The following PTN variants were observed in gnomAD, a reference collection of about 807,000 sequenced individuals.
The protein encoded by PTN is heparin affin regulatory protein.
Under a neutral mutation model 24.1 loss-of-function variants are expected in PTN, and 18 were observed. The ratio of observed to expected loss-of-function variants is 0.75; its 90% confidence interval spans 0.52 to 1.11. PTN has a LOEUF of 1.11. Ranked by LOEUF, PTN falls within the 50% of genes least tolerant of loss-of-function variation. The pLI, the probability that PTN is intolerant of heterozygous loss-of-function variation, is 0.00. For synonymous variants in PTN, 78 were observed against 68.6 expected (o/e 1.14, Z -0.67); for missense variants, 163 against 198.8 (o/e 0.82, Z 1.08).
Position 137,227,950 on chromosome 7 carries a change from T to C in PTN, c.*70A>G, listed in dbSNP as rs773367689. On this transcript the variant is annotated 3_prime_UTR_variant, in exon 5 of 5. Coordinates refer to ENST00000348225, the MANE Select transcript of PTN (RefSeq NM_002825.7). ...TAATTTTTGAATACAAAGCCTACGG[T>C]ACATATAAATGCAATAGTTAACTGA... The C allele has an allele frequency of 4.1e-5, 65 of 1,576,778 alleles. No individual in the cohort carries two copies. Among genetic ancestry groups the C allele is most frequent in the Non-Finnish European group, 5.4e-5 (63 of 1,165,286 alleles).
intron 1 of PTN, among the ~76,000 whole-genome samples, chr7:137,268,507 C>T (rs531663213): frequency 6.6e-5 from 10 of 152,078 alleles, no homozygotes; most frequent in Non-Finnish European, 1.0e-4. Flanking sequence ...AGGGGGTCCA[C>T]GTGAGAGGGT....
At chr7:137,271,366 A>G (rs1234665426) in intron 1 of PTN, among the ~76,000 whole-genome samples, 5 of 152,214 alleles carry the variant, frequency 3.3e-5, no homozygotes, top group Admixed American at 6.5e-5. Context: ...GACTAAAAGC[A>G]TGGAGTCTTA....
chr7:137,276,628 T>C (rs116817304), intron 1 of PTN, among the ~76,000 whole-genome samples: 1,589 of 152,328 alleles, frequency 0.01, 20 homozygotes, highest in African/African-American at 0.037. Flanking sequence ...CCTTGCTGCC[T>C]GTCTGTGAGT....
chr7:137,315,078 A>G (rs1267389104), intron 1 of PTN, among the ~76,000 whole-genome samples: 1 of 152,224 alleles, frequency 6.6e-6, no homozygotes, highest in African/African-American at 2.4e-5. Context: ...TCAGACGCTC[A>G]TAGATAGGAT....
chr7:137,297,842 T>C (rs949192156), intron 1 of PTN, among the ~76,000 whole-genome samples: 7 of 151,960 alleles, frequency 4.6e-5, no homozygotes, highest in Non-Finnish European at 7.4e-5. Context: ...AAATAGAAGA[T>C]ATCCAGAAGA....
At chr7:137,298,116 C>A (rs571775807) in intron 1 of PTN, among the ~76,000 whole-genome samples, 1 of 151,946 alleles carries the variant, frequency 6.6e-6, no homozygotes, top group African/African-American at 2.4e-5. Flanking sequence ...TAGATCCACA[C>A]GCAACTTTAA....
At chr7:137,282,701 A>T (rs569619070) in intron 1 of PTN, among the ~76,000 whole-genome samples, 22 of 152,364 alleles carry the variant, frequency 1.4e-4, no homozygotes, top group African/African-American at 5.3e-4. Context: ...GACATTTAAC[A>T]ATCAGAAAGT....
intron 4 of PTN, among the ~76,000 whole-genome samples, chr7:137,231,270 A>T (rs1379229004): frequency 6.6e-6 from 1 of 151,924 alleles, no homozygotes; most frequent in Non-Finnish European, 1.5e-5. Flanking sequence ...CATCTTCCTT[A>T]TGACGGTTCT....
At chr7:137,341,079 A>G (rs950021205) in intron 1 of PTN, among the ~76,000 whole-genome samples, 1 of 152,224 alleles carries the variant, frequency 6.6e-6, no homozygotes, top group Non-Finnish European at 1.5e-5. Flanking sequence ...AAAACACCAC[A>G]TGACAAATAG....
chr7:137,323,279 A>G (rs2128881548), intron 1 of PTN, among the ~76,000 whole-genome samples: 1 of 152,330 alleles, frequency 6.6e-6, no homozygotes, highest in South Asian at 2.1e-4. Flanking sequence ...GTCACCAACT[A>G]GAAAGCAAAT....
At chr7:137,255,579 G>C (rs1400493657) in intron 1 of PTN, among the ~76,000 whole-genome samples, 1 of 152,158 alleles carries the variant, frequency 6.6e-6, no homozygotes, top group Non-Finnish European at 1.5e-5. Context: ...CCCAGAAGTA[G>C]AGCTAGCACA....
At chr7:137,315,984 A>G (rs990125795) in intron 1 of PTN, among the ~76,000 whole-genome samples, 3 of 152,176 alleles carry the variant, frequency 2.0e-5, no homozygotes, top group African/African-American at 4.8e-5. Context: ...AACCATGTCT[A>G]AAACTCCAAA....
chr7:137,338,198 G>A (rs1243669169), intron 1 of PTN, among the ~76,000 whole-genome samples: 1 of 152,054 alleles, frequency 6.6e-6, no homozygotes, highest in African/African-American at 2.4e-5. Flanking sequence ...GAAGTACAAG[G>A]ATTTGCCTTC....
chr7:137,233,969 T>C (rs538011092), intron 4 of PTN, among the ~76,000 whole-genome samples: 2 of 150,894 alleles, frequency 1.3e-5, no homozygotes, highest in Admixed American at 6.6e-5. Context: ...CATATACATA[T>C]ATATGTATAT....
intron 4 of PTN, among the ~76,000 whole-genome samples, chr7:137,249,641 T>C (rs1367596): frequency 0.29 from 44,345 of 152,036 alleles, 6,515 homozygotes; most frequent in East Asian, 0.39. Flanking sequence ...ACTCTGAGTT[T>C]TGCCATTTTT....
intron 1 of PTN, chr7:137,325,566 G>A (rs1221334529): frequency 6.6e-6 from 1 of 152,200 alleles, no homozygotes; most frequent in Non-Finnish European, 1.5e-5. Flanking sequence ...ATAAGAGACT[G>A]TTTCTGCCTC....
chr7:137,242,467 G>A (rs894879273), intron 4 of PTN, among the ~76,000 whole-genome samples: 2 of 152,144 alleles, frequency 1.3e-5, no homozygotes, highest in Non-Finnish European at 2.9e-5. Context: ...ATCTCTCCCT[G>A]TGTGCCCATC....
intron 1 of PTN, among the ~76,000 whole-genome samples, chr7:137,260,346 A>G (rs1809011809): frequency 6.6e-6 from 1 of 152,100 alleles, no homozygotes; most frequent in African/African-American, 2.4e-5. Flanking sequence ...CCCACTAAAG[A>G]GCTTAGCAAA....
intron 1 of PTN, among the ~76,000 whole-genome samples, chr7:137,292,479 C>T (rs1809653969): frequency 6.6e-6 from 1 of 152,106 alleles, no homozygotes; most frequent in Non-Finnish European, 1.5e-5. Context: ...TGAATACACC[C>T]TCTTGCCTGC....
Sources: allele counts gnomAD v4.1 joint callset (sites outside exome capture counted in the v4.1 genomes callset), GRCh38; gene constraint gnomAD v4.1.1; transcripts MANE v1.5; gene names NCBI Gene and HGNC (gene_info 2026-07-23, HGNC 2026-07-21).